APELA: variants seen among roughly 807,000 people sequenced by gnomAD.
The protein encoded by APELA is apelin receptor early endogenous ligand.
intron 2 of APELA, among the ~76,000 whole-genome samples, chr4:164,888,091 TATAATAAA>T (rs1284455015): frequency 1.3e-5 from 2 of 152,152 alleles, no homozygotes; most frequent in Non-Finnish European, 2.9e-5. Context: ...CCCTGCAAGG[TATAATAAA>T]ATGTATCTCT....
chr4:164,882,882 G>T (rs1043472199), intron 2 of APELA, among the ~76,000 whole-genome samples: 11 of 151,928 alleles, frequency 7.2e-5, no homozygotes, highest in African/African-American at 2.4e-4. Flanking sequence ...TGAGAATGAT[G>T]GTTTCCAGCT....
intron 1 of APELA, among the ~76,000 whole-genome samples, chr4:164,878,181 A>AAC (rs1477083460): frequency 2.8e-5 from 4 of 143,930 alleles, no homozygotes; most frequent in African/African-American, 1.0e-4. Flanking sequence ...GAAAGAAAGA[A>AAC]AGAAAGAAAC....
In APELA at chr4:164,894,704, C is replaced by A. The variant is rs1730941956; in HGVS notation, c.*2-712C>A. Among the ~76,000 whole-genome samples the A allele has an allele frequency of 2.0e-5, 3 of 152,142 alleles. No homozygotes were observed. The South Asian group carries it at 6.2e-4, about 31-fold the overall frequency. On this transcript the variant is annotated intron_variant, in intron 2 of 2. Coordinates refer to ENST00000507152, the MANE Select transcript of APELA (RefSeq NM_001297550.2). ...ATAGGCGTGAGCCACCATACCCAGC[C>A]ACACATATATTTTTTCGAGATGAGC...
intron 2 of APELA, among the ~76,000 whole-genome samples, chr4:164,892,070 G>C (rs1560861022): frequency 6.6e-6 from 1 of 152,034 alleles, no homozygotes; most frequent in Non-Finnish European, 1.5e-5. Context: ...CAGCACTTCG[G>C]GAGGCTGAGG....
chr4:164,892,497 A>G (rs1730901434), intron 2 of APELA, among the ~76,000 whole-genome samples: 1 of 152,198 alleles, frequency 6.6e-6, no homozygotes, highest in Non-Finnish European at 1.5e-5. Context: ...CTAAATCATA[A>G]TGTTCTTCAT....
At chr4:164,882,344 C>G (rs1730670151) in intron 2 of APELA, among the ~76,000 whole-genome samples, 1 of 151,644 alleles carries the variant, frequency 6.6e-6, no homozygotes, top group African/African-American at 2.4e-5. Context: ...CTCAGGTGAT[C>G]TGCCCCCCCT....
intron 2 of APELA, among the ~76,000 whole-genome samples, chr4:164,893,806 T>A (rs776166034): frequency 1.3e-5 from 2 of 152,174 alleles, no homozygotes; most frequent in Non-Finnish European, 2.9e-5. Flanking sequence ...GATTATTTAG[T>A]AAGTTCATGT....
At chr4:164,884,121 G>GAAAGAAAGAAAGAA (rs5863729) in intron 2 of APELA, among the ~76,000 whole-genome samples, 1,459 of 113,368 alleles carry the variant, frequency 0.013, 27 homozygotes, top group Middle Eastern at 0.019. Flanking sequence ...AAGAAAGAAA[G>GAAAGAAAGAAAGAA]AGAAAGAAAG....
At chr4:164,878,795 C>T in intron 1 of APELA, 125 bp from the exon 2 acceptor site, 1 of 396,456 alleles carries the variant, frequency 2.5e-6, no homozygotes. Context: ...ATTTTATAAT[C>T]ACATTTGAAC....
intron 2 of APELA, among the ~76,000 whole-genome samples, chr4:164,881,379 A>G (rs1041704642): frequency 2.0e-5 from 3 of 152,200 alleles, no homozygotes; most frequent in Non-Finnish European, 4.4e-5. Context: ...ACCCTTTATT[A>G]GAGTGTTCAG....
At chr4:164,898,812 C>A (rs1351277543), downstream of APELA, 1 of 152,150 alleles carries the variant, frequency 6.6e-6, no homozygotes, top group Non-Finnish European at 1.5e-5. Flanking sequence ...TCAGTGAAGT[C>A]TTCGGTCCCG....
rs933307426 is a variant in APELA, at chr4:164,897,083, A to G, written c.*1669A>G. ...GCATGTGCCACCATGCTGGGCCACAAGTTCATATCTGGAGTAGAAGTTTTA... is the reference window on the plus strand; with the variant it reads ...GCATGTGCCACCATGCTGGGCCACAGGTTCATATCTGGAGTAGAAGTTTTA... On this transcript the variant is annotated 3_prime_UTR_variant, in exon 3 of 3. Transcript: ENST00000507152. The G allele has an allele frequency of 6.6e-6, 1 of 152,188 alleles. No homozygotes were observed. The highest frequency in any genetic ancestry group is 1.5e-5 in the Non-Finnish European group (1 of 68,028). 9.4% of individuals were successfully genotyped at this position (152,188 alleles called of 1,614,324 possible). A position where few individuals can be genotyped will look rare whatever the true frequency, so the allele number is the denominator to read the frequency against.
intron 2 of APELA, among the ~76,000 whole-genome samples, chr4:164,889,027 G>C (rs1051653845): frequency 6.6e-6 from 1 of 151,908 alleles, no homozygotes; most frequent in Non-Finnish European, 1.5e-5. Flanking sequence ...TTTTGAGACA[G>C]AGTTTTGCTC....
intron 2 of APELA, among the ~76,000 whole-genome samples, chr4:164,894,384 T>C (rs1310189674): frequency 6.6e-6 from 1 of 151,794 alleles, no homozygotes; most frequent in Non-Finnish European, 1.5e-5. Flanking sequence ...AACACACACA[T>C]ATATATTTTT....
At chr4:164,894,488 G>T (rs535217524) in intron 2 of APELA, among the ~76,000 whole-genome samples, 1 of 151,526 alleles carries the variant, frequency 6.6e-6, no homozygotes, top group Non-Finnish European at 1.5e-5. Flanking sequence ...TTGATCTGGG[G>T]TCACTGCAAC....
chr4:164,898,018 G>A (rs1278129637), downstream of APELA, among the ~76,000 whole-genome samples: 1 of 152,004 alleles, frequency 6.6e-6, no homozygotes, highest in African/African-American at 2.4e-5. Flanking sequence ...AGCCTCCCGA[G>A]CAGCTGGGAT....
intron 2 of APELA, among the ~76,000 whole-genome samples, chr4:164,881,671 G>A (rs905815490): frequency 5.9e-5 from 9 of 151,974 alleles, no homozygotes; most frequent in East Asian, 1.9e-4. Flanking sequence ...ATGAGGTCGC[G>A]ACTTAAGGCT....
intron 2 of APELA, among the ~76,000 whole-genome samples, chr4:164,891,182 ATG>A (rs574335025): frequency 7.4e-4 from 113 of 152,214 alleles, no homozygotes; most frequent in Admixed American, 2.6e-3. Flanking sequence ...CATTCTGTGG[ATG>A]TCTTTTTTTG....
chr4:164,879,270 T>A (rs73871520), intron 2 of APELA: 3,648 of 310,588 alleles, frequency 0.012, 108 homozygotes, highest in African/African-American at 0.069. Flanking sequence ...TAACAGCTAT[T>A]TGGGGGCTAA....
Sources: allele counts gnomAD v4.1 joint callset (sites outside exome capture counted in the v4.1 genomes callset), GRCh38; gene constraint gnomAD v4.1.1; transcripts MANE v1.5; gene names NCBI Gene and HGNC (gene_info 2026-07-23, HGNC 2026-07-21).